The following CCNK variants were observed in gnomAD, a reference collection of about 807,000 sequenced individuals.
CCNK encodes the protein cyclin-K.
Under a neutral mutation model 65.0 loss-of-function variants are expected in CCNK, and 9 were observed. The ratio of observed to expected loss-of-function variants is 0.14; its 90% CI spans 0.08 to 0.24. The LOEUF (loss-of-function observed/expected upper bound fraction) is 0.24. Ranked by LOEUF, CCNK falls within the 10% of genes least tolerant of loss-of-function variation. The probability of loss-of-function intolerance (pLI) is 1.00; values close to 1 mark genes in which losing one functional copy is unlikely to be tolerated. For missense variants in CCNK, 474 were observed against 720.0 expected (o/e 0.66, Z 3.91); for synonymous variants, 279 against 270.8 (o/e 1.03, Z -0.30).
intron 2 of CCNK, chr14:99,493,184 C>T: frequency 2.3e-6 from 1 of 429,566 alleles, no homozygotes; most frequent in South Asian, 3.9e-5. Context: ...AGGAGCATCC[C>T]TTGAAATCTG....
At position 99,510,973 on chromosome 14, in the gene CCNK, G is replaced by T; in HGVS notation, c.*191G>T. 2.3e-6 allele frequency: 1 copy of T among 433,926 alleles called. No individual in the cohort carries two copies. Among genetic ancestry groups the T allele is most frequent in the Non-Finnish European group, 3.9e-6 (1 of 255,638 alleles). The allele number at this position is 433,926 out of a possible 1,614,324, so 26.9% of individuals were successfully genotyped here. A position where few individuals can be genotyped will look rare whatever the true frequency, so the allele number is the denominator to read the frequency against. ...AGAGGACGGGGACAACCAGCTTTCA[G>T]AGTAGCCTCATCAGTGCCCTTGCAG... On this transcript the variant is annotated 3_prime_UTR_variant, in exon 11 of 11. Coordinates refer to ENST00000389879, the MANE Select transcript of CCNK (RefSeq NM_001099402.2).
intron 7 of CCNK, 92 bp from the exon 8 acceptor site, chr14:99,502,627 C>T (rs1595316771): frequency 6.2e-6 from 8 of 1,292,750 alleles, no homozygotes; most frequent in East Asian, 4.9e-5. Context: ...TGCTTAGGTC[C>T]TCGTAGGGGT....
At chr14:99,507,860 T>C (rs970075700) in intron 10 of CCNK, 3 of 152,196 alleles carry the variant, frequency 2.0e-5, no homozygotes, top group African/African-American at 4.8e-5. Flanking sequence ...AAGTAGTACA[T>C]GGTAAGCTGG....
chr14:99,504,088 T>C, intron 9 of CCNK: 1 of 388,656 alleles, frequency 2.6e-6, no homozygotes, highest in Non-Finnish European at 5.1e-6. Context: ...AAGGCCTCTT[T>C]GAAACACACT....
At chr14:99,493,673 C>G in intron 3 of CCNK, 78 bp downstream of exon 3, 1 of 929,996 alleles carries the variant, frequency 1.1e-6, no homozygotes, top group Middle Eastern at 2.4e-4. Flanking sequence ...ATTATAAGCT[C>G]TATTTTTCTC....
chr14:99,507,043 T>G, intron 9 of CCNK, 33 bp from the exon 10 acceptor site: 1 of 1,252,224 alleles, frequency 8.0e-7, no homozygotes, highest in Non-Finnish European at 1.2e-6. Flanking sequence ...TGAAGAAGTA[T>G]GAGTGGTTTT....
intron 6 of CCNK, 129 bp from the exon 7 acceptor site, chr14:99,502,078 T>C (rs1896844622): frequency 3.9e-6 from 4 of 1,020,086 alleles, no homozygotes; most frequent in African/African-American, 1.6e-5. Flanking sequence ...AGTTTATTTA[T>C]TTATAGTACT....
At chr14:99,495,744 T>A in intron 4 of CCNK, 115 bp downstream of exon 4, 1 of 856,936 alleles carries the variant, frequency 1.2e-6, no homozygotes, top group Non-Finnish European at 1.7e-6. Flanking sequence ...CTTGAGTTCC[T>A]AAGAGGGCCT....
At chr14:99,482,312 G>C (rs1426237149) in intron 1 of CCNK, among the ~76,000 whole-genome samples, 1 of 152,212 alleles carries the variant, frequency 6.6e-6, no homozygotes, top group Non-Finnish European at 1.5e-5. Context: ...CTAGCACAAT[G>C]CCTTGCAGTT....
intron 5 of CCNK, 198 bp downstream of exon 5, chr14:99,501,069 A>T: frequency 5.0e-6 from 3 of 602,520 alleles, no homozygotes; most frequent in Non-Finnish European, 5.8e-6. Context: ...TCTGTCATCC[A>T]GTTGCCAAGT....
intron 4 of CCNK, among the ~76,000 whole-genome samples, chr14:99,498,820 C>G (rs1480318493): frequency 6.6e-6 from 1 of 152,092 alleles, no homozygotes; most frequent in East Asian, 1.9e-4. Flanking sequence ...GGAAGGCGTT[C>G]CTGAGGAATG....
chr14:99,495,467 C>A lies in CCNK; in HGVS notation c.280-31C>A, dbSNP rs774760059. The stretch of plus-strand genomic sequence containing the variant: ...TCTATTTCTGTGTGACCTTTGATAA[C>A]AAAAATCAAGAACTTTTGTTTCCCT... On this transcript the variant is annotated intron_variant, in intron 3 of 10. Coordinates refer to ENST00000389879, the MANE Select transcript of CCNK (RefSeq NM_001099402.2). 20 of 1,589,212 alleles carry A rather than the reference C, an allele frequency of 1.3e-5. No homozygotes were observed. The Admixed American group carries it at 3.7e-4, about 29-fold the overall frequency.
chr14:99,495,696 A>G, intron 4 of CCNK, 67 bp downstream of exon 4: 1 of 1,404,748 alleles, frequency 7.1e-7, no homozygotes, highest in Non-Finnish European at 9.6e-7. Context: ...ACAGTTCCAC[A>G]TGTTGACAGT....
chr14:99,501,178 A>T lies in CCNK; in HGVS notation c.518-178A>T, dbSNP rs533982302. On this transcript the variant is annotated intron_variant, in intron 5 of 10. Transcript: ENST00000389879. ...CATACATGGTGGTTCAGCGTAGGTC[A>T]TGAGGAGGAAGAAGGGGTAGGATGT... 2.2e-4 allele frequency: 133 copies of T among 617,870 alleles called. 1 individual carries two copies. The highest frequency in any genetic ancestry group is 1.7e-3 in the South Asian group (84 of 50,214). The allele number at this position is 617,870 out of a possible 1,614,324, so 38.3% of individuals were successfully genotyped here.
At chr14:99,501,117 A>G (rs1896813808) in intron 5 of CCNK, 1 of 600,600 alleles carries the variant, frequency 1.7e-6, no homozygotes, top group South Asian at 2.1e-5. Context: ...AATTTTTTAA[A>G]TGGACTAATA....
chr14:99,494,407 G>A (rs1214536972), intron 3 of CCNK: 2 of 152,206 alleles, frequency 1.3e-5, no homozygotes, highest in Non-Finnish European at 2.9e-5. Context: ...TAATTAAAAG[G>A]TTTCGTGAAA....
chr14:99,488,973 T>A (rs1052779546), intron 1 of CCNK, among the ~76,000 whole-genome samples: 5 of 151,800 alleles, frequency 3.3e-5, no homozygotes. Context: ...TTTGATAAGC[T>A]TTGATTAGTC....
In CCNK at chr14:99,510,430, C is replaced by T; in HGVS notation, c.1391C>T (p.Ala464Val). 6.5e-7 allele frequency: 1 copy of T among 1,547,238 alleles called. No homozygotes were observed. Among genetic ancestry groups the T allele is most frequent in the Non-Finnish European group, 8.7e-7 (1 of 1,146,066 alleles). Residue 464 changes from alanine (A) to valine (V), a missense_variant, in exon 11 of 11, where the codon GCC becomes GTC. Coordinates refer to ENST00000389879, the MANE Select transcript of CCNK (RefSeq NM_001099402.2). ...EGPSYGALPPAYGPPAHLPYH... is the reference protein window; with the variant it reads ...EGPSYGALPPVYGPPAHLPYH... Reference sequence around the variant, plus strand: ...CCCTCCTACGGTGCCCTGCCCCCCGCCTACGGCCCACCTGCACACCTGCCC... The same window carrying T: ...CCCTCCTACGGTGCCCTGCCCCCCGTCTACGGCCCACCTGCACACCTGCCC...
Position 99,495,509 on chromosome 14 carries a change from C to T in CCNK, c.291C>T (p.Ala97=), listed in dbSNP as rs764123517. The T allele has an allele frequency of 1.2e-6, 2 of 1,611,568 alleles. No individual in the cohort carries two copies. The highest frequency in any genetic ancestry group is 1.7e-6 in the Non-Finnish European group (2 of 1,178,976). The change falls in exon 4 of 11, where the codon GCC becomes GCT. Residue 97 remains alanine (A), a synonymous_variant. Transcript: ENST00000389879. ...FKQFPRYVTG[A]CCLFLAGKVE... is the part of the protein sequence containing the mutation. ...TGTTTCCCTTTTAGGTGACAGGAGC[C>T]TGTTGCCTCTTTCTGGCTGGGAAAG...
Sources: gnomAD v4.1 joint callset for allele counts (sites outside exome capture counted in the v4.1 genomes callset) on GRCh38, gnomAD v4.1.1 for gene constraint, MANE v1.5 for transcripts, NCBI Gene and HGNC (gene_info 2026-07-23, HGNC 2026-07-21) for gene names.